The following KCNB2 variants were observed in gnomAD, a reference collection of about 807,000 sequenced individuals.
KCNB2 encodes the protein delayed rectifier potassium channel protein.
A neutral mutation model predicts 61.5 loss-of-function variants in KCNB2; 15 were observed. That is an observed-to-expected ratio of 0.24 (90% CI 0.16 to 0.38). The LOEUF is 0.38. KCNB2 is among the 10% of genes least tolerant of loss of function. The pLI is 1.00. For synonymous variants in KCNB2, 457 were observed against 446.0 expected, an observed-to-expected ratio of 1.02 and a Z score of -0.31; for missense variants, 828 against 1,125.2, an observed-to-expected ratio of 0.74 and a Z score of 3.78.
At chr8:72,646,461 T>C (rs1348097696) in intron 2 of KCNB2, among the ~76,000 whole-genome samples, 1 of 152,162 alleles carries the variant, frequency 6.6e-6, no homozygotes, top group African/African-American at 2.4e-5. Flanking sequence ...TTTGGTTGCA[T>C]GATGAAAGTT....
At chr8:72,584,253 T>C (rs1425603604) in intron 2 of KCNB2, among the ~76,000 whole-genome samples, 1 of 152,046 alleles carries the variant, frequency 6.6e-6, no homozygotes, top group Non-Finnish European at 1.5e-5. Context: ...TAGACACACA[T>C]ATAAACTGGC....
At chr8:72,931,341 A>G (rs1158217894) in intron 2 of KCNB2, among the ~76,000 whole-genome samples, 2 of 152,154 alleles carry the variant, frequency 1.3e-5, no homozygotes, top group African/African-American at 2.4e-5. Flanking sequence ...GAAGAAAGTC[A>G]TTGGTAGCTT....
chr8:72,646,917 T>C (rs1806138188), intron 2 of KCNB2, among the ~76,000 whole-genome samples: 1 of 152,146 alleles, frequency 6.6e-6, no homozygotes, highest in Non-Finnish European at 1.5e-5. Context: ...TGAAATCCTC[T>C]AAGGAAAGTT....
rs555533374 is a variant in KCNB2 at position 72,698,284 on chromosome 8, AC to A, written c.579+129972del. On this transcript the variant is annotated intron_variant, in intron 2 of 2. Transcript: ENST00000523207. ...TTGTAATAGCCACACACACACACAC[AC>A]AAATACCTAGGAATACATGTAACCA... Among the ~76,000 whole-genome samples, 319 of 152,200 alleles carry A rather than the reference AC, an allele frequency of 2.1e-3. 3 individuals carry two copies. Among genetic ancestry groups the A allele is most frequent in the African/African-American group, 7.2e-3 (300 of 41,542 alleles).
intron 2 of KCNB2, among the ~76,000 whole-genome samples, chr8:72,730,647 T>A (rs1317305342): frequency 6.6e-6 from 1 of 152,188 alleles, no homozygotes; most frequent in Non-Finnish European, 1.5e-5. Context: ...CTTAGATACT[T>A]TTACTTTGAA....
chr8:72,777,922 T>C (rs952087448), intron 2 of KCNB2, among the ~76,000 whole-genome samples: 1 of 152,198 alleles, frequency 6.6e-6, no homozygotes, highest in African/African-American at 2.4e-5. Flanking sequence ...TACTGGATTT[T>C]CATTTGAAGT....
intron 2 of KCNB2, among the ~76,000 whole-genome samples, chr8:72,734,283 A>C (rs531364947): frequency 6.6e-6 from 1 of 152,180 alleles, no homozygotes. Flanking sequence ...CAACATCAGT[A>C]CATCCCAGCA....
intron 1 of KCNB2, among the ~76,000 whole-genome samples, chr8:72,548,792 A>G (rs999004336): frequency 4.6e-5 from 7 of 152,060 alleles, no homozygotes; most frequent in Non-Finnish European, 2.9e-5. Flanking sequence ...GTTCTTTCCT[A>G]TTCGTAATTT....
chr8:72,547,085 A>G (rs546147368), intron 1 of KCNB2, among the ~76,000 whole-genome samples: 24 of 152,332 alleles, frequency 1.6e-4, no homozygotes, highest in African/African-American at 5.1e-4. Flanking sequence ...TACTCTGCCT[A>G]TGCTTTAGAA....
chr8:72,724,552 A>T (rs1276321222), intron 2 of KCNB2, among the ~76,000 whole-genome samples: 1 of 152,210 alleles, frequency 6.6e-6, no homozygotes, highest in South Asian at 2.1e-4. Context: ...TGATATGGAA[A>T]GTAGAATATG....
At chr8:72,736,812 G>C (rs2243607) in intron 2 of KCNB2, among the ~76,000 whole-genome samples, 102,179 of 151,990 alleles carry the variant, frequency 0.67, 35,025 homozygotes, top group African/African-American at 0.79. Flanking sequence ...AGATTTCTTT[G>C]GGAGCACTCT....
intron 2 of KCNB2, among the ~76,000 whole-genome samples, chr8:72,907,466 A>G (rs1435526977): frequency 1.3e-5 from 2 of 152,304 alleles, no homozygotes; most frequent in East Asian, 3.9e-4. Flanking sequence ...AGAGCTGTAC[A>G]CTATGCAAAG....
At chr8:72,684,706 A>G (rs1399934077) in intron 2 of KCNB2, among the ~76,000 whole-genome samples, 1 of 152,214 alleles carries the variant, frequency 6.6e-6, no homozygotes, top group Non-Finnish European at 1.5e-5. Flanking sequence ...AGAGTATTTG[A>G]TCAGTGACCA....
chr8:72,769,636 T>G (rs1038962019), intron 2 of KCNB2, among the ~76,000 whole-genome samples: 9 of 151,862 alleles, frequency 5.9e-5, no homozygotes, highest in African/African-American at 1.9e-4. Flanking sequence ...GAGTGGATGG[T>G]GTAAAGTGTT....
At chr8:72,599,789 T>C (rs1807262417) in intron 2 of KCNB2, among the ~76,000 whole-genome samples, 1 of 152,026 alleles carries the variant, frequency 6.6e-6, no homozygotes, top group Non-Finnish European at 1.5e-5. Context: ...GGGCAAAGGA[T>C]ATGAACAGAC....
chr8:72,826,860 A>G (rs116604453), intron 2 of KCNB2, among the ~76,000 whole-genome samples: 2,796 of 152,302 alleles, frequency 0.018, 86 homozygotes, highest in African/African-American at 0.063. Context: ...CCTTTGCACA[A>G]TTTCTGTGCC....
intron 2 of KCNB2, among the ~76,000 whole-genome samples, chr8:72,717,271 C>T (rs1563569277): frequency 6.6e-6 from 1 of 152,214 alleles, no homozygotes; most frequent in African/African-American, 2.4e-5. Flanking sequence ...CCATCCACAT[C>T]AAGCTACCAA....
At chr8:72,626,547 G>T (rs1805792640) in intron 2 of KCNB2, among the ~76,000 whole-genome samples, 1 of 152,130 alleles carries the variant, frequency 6.6e-6, no homozygotes, top group Non-Finnish European at 1.5e-5. Context: ...TTAATAACAT[G>T]TGTTGAGCAC....
chr8:72,874,912 C>G (rs1461553938), intron 2 of KCNB2: 3 of 152,248 alleles, frequency 2.0e-5, no homozygotes, highest in African/African-American at 7.2e-5. Flanking sequence ...CTGCTACAAC[C>G]TCAAAACAAA....
Sources: gnomAD v4.1 joint callset for allele counts (sites outside exome capture counted in the v4.1 genomes callset) on GRCh38, gnomAD v4.1.1 for gene constraint, MANE v1.5 for transcripts, NCBI Gene and HGNC (gene_info 2026-07-23, HGNC 2026-07-21) for gene names.